The following TEX36 variants were observed in gnomAD, a reference collection of about 807,000 sequenced individuals.
TEX36 encodes the protein testis-expressed protein 36.
Under a neutral mutation model 13.6 loss-of-function variants are expected in TEX36, and 12 were observed. The observed-to-expected ratio is 0.88, with a 90% confidence interval of 0.56 to 1.43. The LOEUF (loss-of-function observed/expected upper bound fraction) is 1.43, where lower values mean the gene tolerates loss of function less well. Ranked by LOEUF, TEX36 falls within the 40% of genes most tolerant of loss-of-function variation. The pLI is 0.00. For synonymous variants in TEX36, 93 were observed against 83.0 expected, an observed-to-expected ratio of 1.12 and a Z score of -0.65; for missense variants, 224 against 228.3, an observed-to-expected ratio of 0.98 and a Z score of 0.12.
At chr10:125,618,152 A>G (rs1225741989), downstream of TEX36, among the ~76,000 whole-genome samples, 1 of 151,988 alleles carries the variant, frequency 6.6e-6, no homozygotes, top group Non-Finnish European at 1.5e-5. Context: ...TCCTTTAAGC[A>G]CTTCTCTGTA....
chr10:125,639,208 A>G (rs1846654693), intron 3 of TEX36, among the ~76,000 whole-genome samples: 1 of 152,240 alleles, frequency 6.6e-6, no homozygotes, highest in African/African-American at 2.4e-5. Context: ...GATAATATGT[A>G]TCCAATACTA....
At chr10:125,621,732 G>C (rs1224539662) in intron 3 of TEX36, 61 of 448,174 alleles carry the variant, frequency 1.4e-4, no homozygotes, top group South Asian at 9.5e-4. Flanking sequence ...TTCCATCTGT[G>C]GCCAAAGGCC....
At chr10:125,669,660 G>A (rs773738538) in intron 1 of TEX36, among the ~76,000 whole-genome samples, 1 of 152,182 alleles carries the variant, frequency 6.6e-6, no homozygotes, top group Non-Finnish European at 1.5e-5. Flanking sequence ...ATAGGTAAAA[G>A]TGTGCCATGG....
intron 3 of TEX36, among the ~76,000 whole-genome samples, chr10:125,622,914 C>T (rs938951567): frequency 6.6e-6 from 1 of 152,318 alleles, no homozygotes; most frequent in African/African-American, 2.4e-5. Context: ...GTTGCGTCTC[C>T]TGGTGACAGC....
intron 3 of TEX36, among the ~76,000 whole-genome samples, chr10:125,603,140 C>A (rs924081542): frequency 2.6e-5 from 4 of 152,216 alleles, no homozygotes; most frequent in Non-Finnish European, 5.9e-5. Context: ...CAAGGCCAAC[C>A]AGCCTTCCTG....
intron 3 of TEX36, among the ~76,000 whole-genome samples, chr10:125,646,392 T>C (rs1389056854): frequency 2.6e-5 from 4 of 152,134 alleles, no homozygotes; most frequent in South Asian, 2.1e-4. Flanking sequence ...TATTTAAAAA[T>C]GGACAATAAC....
chr10:125,578,520 A>C (rs2133519041), intron 3 of TEX36: 1 of 152,292 alleles, frequency 6.6e-6, no homozygotes, highest in African/African-American at 2.4e-5. Context: ...AGGTATTTTC[A>C]ATGACTCAGA....
intron 1 of TEX36, chr10:125,668,024 T>C: frequency 1.5e-6 from 1 of 683,322 alleles, no homozygotes; most frequent in Non-Finnish European, 2.6e-6. Flanking sequence ...GGCCCTTGGT[T>C]GTCAACAGAA....
At chr10:125,600,094 A>T (rs572318751) in intron 3 of TEX36, among the ~76,000 whole-genome samples, 83 of 152,328 alleles carry the variant, frequency 5.4e-4, no homozygotes, top group African/African-American at 1.9e-3. Context: ...AGCAAACACA[A>T]ATGGGTCCCT....
chr10:125,655,247 C>T (rs1846920065), downstream of TEX36, among the ~76,000 whole-genome samples: 1 of 152,074 alleles, frequency 6.6e-6, no homozygotes. Flanking sequence ...GAATTCAAGA[C>T]CAGCCTGGCC....
At chr10:125,630,801 AG>A (rs1846543866) in intron 3 of TEX36, among the ~76,000 whole-genome samples, 2 of 152,160 alleles carry the variant, frequency 1.3e-5, no homozygotes, top group South Asian at 4.1e-4. Flanking sequence ...GAATGTCTCC[AG>A]GAAGATGATC....
intron 3 of TEX36, among the ~76,000 whole-genome samples, chr10:125,608,909 C>T (rs1263193455): frequency 2.1e-5 from 3 of 142,962 alleles, no homozygotes; most frequent in Admixed American, 7.4e-5. Flanking sequence ...CCGAGGAAGG[C>T]GGATCACTTG....
intron 3 of TEX36, among the ~76,000 whole-genome samples, chr10:125,614,501 G>C (rs1292535552): frequency 4.0e-5 from 6 of 151,790 alleles, no homozygotes; most frequent in African/African-American, 1.4e-4. Flanking sequence ...TCTACATATG[G>C]CTAGCCAGTT....
chr10:125,642,974 C>T (rs183518397), intron 3 of TEX36, among the ~76,000 whole-genome samples: 72 of 152,242 alleles, frequency 4.7e-4, no homozygotes, highest in African/African-American at 1.7e-3. Context: ...CAGGTCAGGT[C>T]GGCTACAAAT....
rs565458945 is a variant in TEX36, at chr10:125,627,587, C to T, written c.265-5942G>A. ...CTAAAACAATCCTGATCTTTTTTAT[C>T]TTAATTTTAATAAAAAGAGTGAAAC... is the stretch of plus-strand genomic sequence containing the variant. On this transcript the variant is annotated intron_variant, in intron 3 of 3. Coordinates refer to the TEX36 transcript ENST00000526819. 2.0e-5 allele frequency among the ~76,000 whole-genome samples: 3 copies of T among 152,280 alleles called. No individual in the cohort carries two copies. In the South Asian group the frequency reaches 6.2e-4, roughly 32 times the overall value.
rs565672265 is a variant in TEX36, at chr10:125,643,429, G to A, written c.264+17592C>T. ...TTGAGACCAGCCTGGCGAACATGGC[G>A]AAACCCTATCTCTACTAAAAATACA... On this transcript the variant is annotated intron_variant, in intron 3 of 3. Transcript: ENST00000526819. 8.5e-5 allele frequency among the ~76,000 whole-genome samples: 13 copies of A among 152,214 alleles called. No individual in the cohort carries two copies. In the South Asian group the frequency reaches 1.9e-3, roughly 22 times the overall value.
At chr10:125,662,000 GA>G in intron 1 of TEX36, 23 bp from the exon 2 acceptor site, 1 of 1,552,300 alleles carries the variant, frequency 6.4e-7, no homozygotes, top group East Asian at 2.4e-5. Context: ...CACACGCCTT[GA>G]TTAAAACCAG....
At chr10:125,614,013 G>A (rs1565174598) in intron 3 of TEX36, among the ~76,000 whole-genome samples, 1 of 152,164 alleles carries the variant, frequency 6.6e-6, no homozygotes, top group Non-Finnish European at 1.5e-5. Context: ...GTTTTGATTT[G>A]CATTTCTCTG....
chr10:125,617,548 C>G (rs1230164156), downstream of TEX36, among the ~76,000 whole-genome samples: 4 of 152,118 alleles, frequency 2.6e-5, no homozygotes, highest in Admixed American at 2.6e-4. Flanking sequence ...ACTTATGAAG[C>G]TTAGTTTGGC....
Sources: gnomAD v4.1 joint callset for allele counts (sites outside exome capture counted in the v4.1 genomes callset) on GRCh38, gnomAD v4.1.1 for gene constraint, MANE v1.5 for transcripts, NCBI Gene and HGNC (gene_info 2026-07-23, HGNC 2026-07-21) for gene names.